Variants in CDH12 observed in about 807,000 individuals in gnomAD.
CDH12 encodes the protein cadherin 12.
CDH12 carries 41 observed loss-of-function variants against 74.1 expected under a neutral mutation model. The observed-to-expected ratio is 0.55, with a 90% CI of 0.43 to 0.72. The LOEUF is 0.72. Among genes scored for constraint, CDH12 ranks in the 30% least tolerant of loss-of-function variants. The pLI, the probability that CDH12 is intolerant of heterozygous loss-of-function variation, is 0.00. For synonymous variants in CDH12, 399 were observed against 355.0 expected, an observed-to-expected ratio of 1.12 and a Z score of -1.39; for missense variants, 945 against 977.2, an observed-to-expected ratio of 0.97 and a Z score of 0.44.
At chr5:22,790,846 C>T (rs1054035172) in intron 1 of CDH12, among the ~76,000 whole-genome samples, 2 of 152,108 alleles carry the variant, frequency 1.3e-5, no homozygotes, top group Non-Finnish European at 2.9e-5. Flanking sequence ...GAGTCATAGA[C>T]TCATGGCATC....
At chr5:22,074,416 G>T (rs979188295) in intron 5 of CDH12, among the ~76,000 whole-genome samples, 4 of 152,136 alleles carry the variant, frequency 2.6e-5, no homozygotes, top group African/African-American at 9.7e-5. Flanking sequence ...AGGACTTCAT[G>T]ACTAAAACAC....
intron 1 of CDH12, among the ~76,000 whole-genome samples, chr5:22,792,086 CT>C (rs757562010): frequency 0.22 from 27,878 of 125,028 alleles, 2,054 homozygotes; most frequent in Middle Eastern, 0.36. Flanking sequence ...TGAACTAGGG[CT>C]TTTTTTTTTT....
intron 12 of CDH12, among the ~76,000 whole-genome samples, chr5:21,764,011 G>T (rs573293644): frequency 6.6e-6 from 1 of 152,260 alleles, no homozygotes; most frequent in Admixed American, 6.5e-5. Context: ...AGCAAAATAA[G>T]AAATATACTG....
chr5:21,781,586 C>T (rs1335953233), intron 11 of CDH12, among the ~76,000 whole-genome samples: 1 of 151,760 alleles, frequency 6.6e-6, no homozygotes, highest in African/African-American at 2.4e-5. Context: ...TAGCCAGGTG[C>T]GATGATACAT....
At chr5:21,824,727 T>C (rs1748563901) in intron 8 of CDH12, among the ~76,000 whole-genome samples, 1 of 152,096 alleles carries the variant, frequency 6.6e-6, no homozygotes, top group Non-Finnish European at 1.5e-5. Context: ...TTCACCAAAC[T>C]TGAGAGGAGT....
At position 22,058,723 on chromosome 5, in the gene CDH12, AAG is replaced by A. The variant is rs1307047167; in HGVS notation, c.231+19721_231+19722del. Among the ~76,000 whole-genome samples the A allele has an allele frequency of 3.3e-3, 497 of 150,042 alleles. 1 individual carries two copies. The highest frequency in any genetic ancestry group is 0.012 in the African/African-American group (484 of 40,688). On this transcript the variant is annotated intron_variant, in intron 5 of 14. Coordinates refer to ENST00000382254, the MANE Select transcript of CDH12 (RefSeq NM_004061.5). Reference sequence around the variant, plus strand: ...AAGAAGAAAGAAAAAGAAAGAAAGAAAGAGAAAGAAAGAAAAAAAGGAAGGAA... The same window carrying A: ...AAGAAGAAAGAAAAAGAAAGAAAGAAAGAAAGAAAGAAAAAAAGGAAGGAA...
At chr5:22,260,453 C>T (rs925632571) in intron 3 of CDH12, among the ~76,000 whole-genome samples, 4 of 152,122 alleles carry the variant, frequency 2.6e-5, no homozygotes, top group African/African-American at 4.8e-5. Flanking sequence ...ACTGCTCAGA[C>T]GAGAATAATT....
rs1275570343 is a variant in CDH12, at chr5:21,751,626, GTGTGTT to G, written c.*105_*110del. On this transcript the variant is annotated 3_prime_UTR_variant, in exon 15 of 15. Coordinates refer to ENST00000382254, the MANE Select transcript of CDH12 (RefSeq NM_004061.5). ...TGTCCCAGAGTGTGTGTGTGTGTGT[GTGTGTT>G]TGTGTGTGTGTGTGTGTGTGAGAGA... 1.6e-5 allele frequency: 11 copies of G among 708,848 alleles called. No homozygotes were observed. Among genetic ancestry groups the G allele is most frequent in the South Asian group, 5.7e-5 (3 of 52,656 alleles). The allele number at this position is 708,848 out of a possible 1,614,324, so 43.9% of individuals were successfully genotyped here.
chr5:22,282,511 T>A (rs1437864269), intron 3 of CDH12, among the ~76,000 whole-genome samples: 1 of 152,140 alleles, frequency 6.6e-6, no homozygotes, highest in Non-Finnish European at 1.5e-5. Context: ...AAAGGGCTAA[T>A]ATCCAGAATC....
intron 1 of CDH12, among the ~76,000 whole-genome samples, chr5:22,531,275 T>C (rs1217122462): frequency 6.6e-6 from 1 of 152,102 alleles, no homozygotes; most frequent in Non-Finnish European, 1.5e-5. Flanking sequence ...AGAGAGGAGA[T>C]TAGAGTTTTC....
At chr5:21,863,807 A>C (rs1579857215) in intron 6 of CDH12, among the ~76,000 whole-genome samples, 1 of 152,302 alleles carries the variant, frequency 6.6e-6, no homozygotes, top group East Asian at 1.9e-4. Flanking sequence ...CAGGAGAGTT[A>C]ATGTAAATTT....
At chr5:22,671,026 CATAT>C (rs142736004) in intron 1 of CDH12, among the ~76,000 whole-genome samples, 13 of 147,470 alleles carry the variant, frequency 8.8e-5, no homozygotes, top group South Asian at 2.1e-4. Flanking sequence ...TATATGTGTG[CATAT>C]ATATATATAT....
At chr5:22,790,702 C>T (rs1236503781) in intron 1 of CDH12, among the ~76,000 whole-genome samples, 4 of 151,936 alleles carry the variant, frequency 2.6e-5, no homozygotes, top group Non-Finnish European at 1.5e-5. Context: ...GTTTGCAAGA[C>T]CAAAGCAAAT....
chr5:22,182,810 T>G (rs1206230788), intron 4 of CDH12, among the ~76,000 whole-genome samples: 2 of 151,348 alleles, frequency 1.3e-5, no homozygotes, highest in Admixed American at 6.6e-5. Context: ...CATGAGCAAA[T>G]GATCAACACT....
At position 21,751,892 on chromosome 5, in the gene CDH12, T is replaced by G; in HGVS notation, c.2230A>C (p.Ser744Arg). The G allele has an allele frequency of 6.2e-7, 1 of 1,614,058 alleles. No homozygotes were observed. Among genetic ancestry groups the G allele is most frequent in the Non-Finnish European group, 8.5e-7 (1 of 1,180,018 alleles). ...DSLATYAYEG[S>R]GSVAESLSSI... ...CTGAGGGACTCTGCCACGGACCCACTCCCTTCGTAGGCATATGTGGCCAGT... is the reference window on the plus strand; with the variant it reads ...CTGAGGGACTCTGCCACGGACCCACGCCCTTCGTAGGCATATGTGGCCAGT... The change falls in exon 15 of 15, where the codon AGT becomes CGT. Residue 744 changes from serine to arginine, a missense_variant. Physicochemically the swap from Ser to Arg is moderately radical, Grantham distance 110. Transcript: ENST00000382254.
At chr5:22,251,598 G>A (rs1480647242) in intron 3 of CDH12, among the ~76,000 whole-genome samples, 3 of 152,186 alleles carry the variant, frequency 2.0e-5, no homozygotes, top group Non-Finnish European at 4.4e-5. Flanking sequence ...GGGATGCTGT[G>A]TATTAAAATG....
At chr5:22,252,820 C>G (rs1753180288) in intron 3 of CDH12, among the ~76,000 whole-genome samples, 1 of 151,830 alleles carries the variant, frequency 6.6e-6, no homozygotes, top group Non-Finnish European at 1.5e-5. Context: ...TCTTCTATGT[C>G]CAGGAATTTT....
At chr5:22,284,371 C>T (rs1377440782) in intron 3 of CDH12, among the ~76,000 whole-genome samples, 1 of 152,126 alleles carries the variant, frequency 6.6e-6, no homozygotes, top group African/African-American at 2.4e-5. Flanking sequence ...CTCAAGGCTA[C>T]AGTCAGGATG....
chr5:22,803,488 A>G (rs1040509303), intron 1 of CDH12, among the ~76,000 whole-genome samples: 2 of 152,142 alleles, frequency 1.3e-5, no homozygotes, highest in Non-Finnish European at 2.9e-5. Flanking sequence ...AATTCCTACA[A>G]TACACAAGTC....
Sources: allele counts gnomAD v4.1 joint callset (sites outside exome capture counted in the v4.1 genomes callset), GRCh38; gene constraint gnomAD v4.1.1; transcripts MANE v1.5; gene names NCBI Gene and HGNC (gene_info 2026-07-23, HGNC 2026-07-21).